The following SLC2A13 variants were observed in gnomAD, a reference collection of about 807,000 sequenced individuals.
The protein encoded by SLC2A13 is solute carrier family 2 member 13, also known as proton myo-inositol cotransporter.
In SLC2A13, 32 loss-of-function variants were observed where a neutral mutation model predicts 64.4. The ratio of observed to expected loss-of-function variants is 0.50; its 90% confidence interval spans 0.37 to 0.67. The LOEUF (loss-of-function observed/expected upper bound fraction) is 0.67. Ranked by LOEUF, SLC2A13 falls within the 30% of genes least tolerant of loss-of-function variation. The pLI, the probability that SLC2A13 is intolerant of heterozygous loss-of-function variation, is 0.00. For synonymous variants in SLC2A13, 338 were observed against 327.1 expected (o/e 1.03, Z -0.36); for missense variants, 743 against 829.2 (o/e 0.90, Z 1.28).
intron 7 of SLC2A13, among the ~76,000 whole-genome samples, chr12:39,769,476 A>C (rs182703415): frequency 9.7e-4 from 148 of 152,218 alleles, no homozygotes; most frequent in African/African-American, 3.2e-3. Flanking sequence ...ATTTTTCTCT[A>C]TCAGCTTCTA....
intron 3 of SLC2A13, among the ~76,000 whole-genome samples, chr12:39,954,330 G>C (rs904250716): frequency 6.7e-6 from 1 of 149,822 alleles, no homozygotes; most frequent in African/African-American, 2.4e-5. Context: ...AGATGGCAGA[G>C]GACCCAGGGA....
At chr12:39,799,891 A>C (rs1592148918) in intron 7 of SLC2A13, among the ~76,000 whole-genome samples, 2 of 152,228 alleles carry the variant, frequency 1.3e-5, no homozygotes, top group African/African-American at 4.8e-5. Flanking sequence ...AGAGAGAATC[A>C]AATTTACAAC....
At chr12:40,097,881 C>G (rs1284974547) in intron 1 of SLC2A13, among the ~76,000 whole-genome samples, 1 of 151,878 alleles carries the variant, frequency 6.6e-6, no homozygotes, top group Non-Finnish European at 1.5e-5. Context: ...GGTATATATC[C>G]AAAATAATTC....
intron 5 of SLC2A13, among the ~76,000 whole-genome samples, chr12:39,865,796 T>G (rs1015525448): frequency 6.6e-6 from 1 of 152,212 alleles, no homozygotes; most frequent in Non-Finnish European, 1.5e-5. Context: ...TAATGCTGCA[T>G]GTTCTCATTT....
chr12:39,767,257 G>A (rs995275883), intron 7 of SLC2A13, among the ~76,000 whole-genome samples: 4 of 151,842 alleles, frequency 2.6e-5, no homozygotes, highest in Non-Finnish European at 5.9e-5. Flanking sequence ...GAGCCCTTGA[G>A]TGACCAGTGT....
intron 1 of SLC2A13, among the ~76,000 whole-genome samples, chr12:40,085,631 G>A (rs1398907149): frequency 1.3e-5 from 2 of 152,210 alleles, no homozygotes; most frequent in Admixed American, 6.5e-5. Flanking sequence ...TACTCACAGT[G>A]TCCATTTCAC....
At chr12:39,808,536 T>G (rs957427503) in intron 7 of SLC2A13, among the ~76,000 whole-genome samples, 3 of 152,156 alleles carry the variant, frequency 2.0e-5, no homozygotes, top group South Asian at 2.1e-4. Context: ...ATTTCTGAAG[T>G]GTTTGTACCA....
At chr12:40,059,780 A>G (rs1329872543) in intron 1 of SLC2A13, among the ~76,000 whole-genome samples, 1 of 152,144 alleles carries the variant, frequency 6.6e-6, no homozygotes, top group Non-Finnish European at 1.5e-5. Flanking sequence ...AACAGAATGA[A>G]TGAGGAAACC....
chr12:40,022,869 T>A lies in SLC2A13; in HGVS notation c.925+5432A>T, dbSNP rs929663897. 2.0e-5 allele frequency among the ~76,000 whole-genome samples: 3 copies of A among 152,086 alleles called. No individual in the cohort carries two copies. In the South Asian group the frequency reaches 6.2e-4, roughly 31 times the overall value. On this transcript the variant is annotated intron_variant, in intron 3 of 9. Coordinates refer to ENST00000280871, the MANE Select transcript of SLC2A13 (RefSeq NM_052885.4). ...AAAAAAGTTTTAATATGTAATTTTT[T>A]AACATGGAATTCACCCCTCCCCCCC...
At chr12:39,866,605 G>A (rs1943918467) in intron 5 of SLC2A13, among the ~76,000 whole-genome samples, 1 of 151,990 alleles carries the variant, frequency 6.6e-6, no homozygotes, top group Admixed American at 6.5e-5. Flanking sequence ...TCAGCCTCTG[G>A]AGTAGCTGGG....
intron 1 of SLC2A13, among the ~76,000 whole-genome samples, chr12:40,071,936 T>G (rs938878064): frequency 1.3e-5 from 2 of 152,116 alleles, no homozygotes; most frequent in Non-Finnish European, 2.9e-5. Flanking sequence ...ACTCCAATAT[T>G]TACTATTTCT....
At position 39,940,408 on chromosome 12, in the gene SLC2A13, T is replaced by C. The variant is rs544982195; in HGVS notation, c.1034+10849A>G. Reference sequence around the variant, plus strand: ...TGTGCTATGTTTCCTGATTGCGTGGTAATTTTTTTTTTTAATACCAGCTGT... The same window carrying C: ...TGTGCTATGTTTCCTGATTGCGTGGCAATTTTTTTTTTTAATACCAGCTGT... On this transcript the variant is annotated intron_variant, in intron 4 of 9. Coordinates refer to ENST00000280871, the MANE Select transcript of SLC2A13 (RefSeq NM_052885.4). 3.9e-5 allele frequency among the ~76,000 whole-genome samples: 6 copies of C among 152,110 alleles called. No homozygotes were observed. The East Asian group carries it at 1.2e-3, about 29-fold the overall frequency.
intron 4 of SLC2A13, among the ~76,000 whole-genome samples, chr12:39,928,737 A>G (rs960709839): frequency 6.6e-6 from 1 of 152,212 alleles, no homozygotes; most frequent in African/African-American, 2.4e-5. Flanking sequence ...TCAGACTGGA[A>G]GCTTTGGACA....
intron 7 of SLC2A13, among the ~76,000 whole-genome samples, chr12:39,799,315 G>C (rs1941698137): frequency 7.1e-6 from 1 of 140,702 alleles, no homozygotes; most frequent in Admixed American, 7.3e-5. Context: ...TCGCTGTGTT[G>C]GCCAGGCTGG....
At chr12:39,872,466 T>A (rs147512083) in intron 4 of SLC2A13, among the ~76,000 whole-genome samples, 1 of 152,320 alleles carries the variant, frequency 6.6e-6, no homozygotes, top group Non-Finnish European at 1.5e-5. Flanking sequence ...AGTGTCAGAA[T>A]GTATCTAGCA....
intron 7 of SLC2A13, among the ~76,000 whole-genome samples, chr12:39,780,139 T>C (rs1940928543): frequency 6.6e-6 from 1 of 152,266 alleles, no homozygotes. Flanking sequence ...ACCATTCGTA[T>C]ATATTACTTC....
intron 3 of SLC2A13, among the ~76,000 whole-genome samples, chr12:40,007,813 A>G (rs1947451214): frequency 6.6e-6 from 1 of 152,228 alleles, no homozygotes; most frequent in Non-Finnish European, 1.5e-5. Flanking sequence ...CATAGAAGCC[A>G]TTAAATATGA....
At chr12:39,861,469 T>G (rs560179632) in intron 6 of SLC2A13, among the ~76,000 whole-genome samples, 1 of 152,218 alleles carries the variant, frequency 6.6e-6, no homozygotes. Flanking sequence ...AAATGTTTTA[T>G]GATAGTGATT....
chr12:40,011,072 C>G (rs536199724), intron 3 of SLC2A13, among the ~76,000 whole-genome samples: 1 of 152,158 alleles, frequency 6.6e-6, no homozygotes, highest in Non-Finnish European at 1.5e-5. Flanking sequence ...CAACAACCTA[C>G]GATCCAGGCT....
Sources: gnomAD v4.1 joint callset for allele counts (sites outside exome capture counted in the v4.1 genomes callset) on GRCh38, gnomAD v4.1.1 for gene constraint, MANE v1.5 for transcripts, NCBI Gene and HGNC (gene_info 2026-07-23, HGNC 2026-07-21) for gene names.